Variants in PIK3C3 observed in about 807,000 individuals in gnomAD.
PIK3C3 encodes the protein PI3-kinase type 3.
PIK3C3 carries 95 observed loss-of-function variants against 126.1 expected under a neutral mutation model. The ratio of observed to expected loss-of-function variants is 0.75; its 90% CI spans 0.64 to 0.89. The LOEUF is 0.89. Ranked by LOEUF, PIK3C3 falls within the 40% of genes least tolerant of loss-of-function variation. The pLI is 0.00. For missense variants in PIK3C3, 829 were observed against 1,063.2 expected (o/e 0.78, Z 3.06); for synonymous variants, 374 against 360.0 (o/e 1.04, Z -0.44).
intron 15 of PIK3C3, among the ~76,000 whole-genome samples, chr18:42,030,007 T>C (rs890421944): frequency 5.3e-5 from 8 of 152,206 alleles, no homozygotes; most frequent in African/African-American, 1.4e-4. Flanking sequence ...GTAATTTGTT[T>C]AATGTCATAC....
At chr18:41,975,461 T>C (rs923808662) in intron 4 of PIK3C3, among the ~76,000 whole-genome samples, 2 of 152,192 alleles carry the variant, frequency 1.3e-5, no homozygotes, top group Non-Finnish European at 1.5e-5. Flanking sequence ...GTTTCTATTA[T>C]TGCCAAAAGT....
intron 13 of PIK3C3, chr18:42,025,595 A>G (rs1983529824): frequency 6.6e-6 from 1 of 152,184 alleles, no homozygotes; most frequent in Non-Finnish European, 1.5e-5. Flanking sequence ...TACCTTGGAT[A>G]TTGTTAGTAC....
chr18:42,019,567 C>T (rs564993088), intron 12 of PIK3C3, among the ~76,000 whole-genome samples: 2 of 152,182 alleles, frequency 1.3e-5, no homozygotes, highest in Middle Eastern at 3.4e-3. Context: ...CTTCATCTGT[C>T]TTGCCATTTC....
At chr18:42,070,490 T>C (rs975214537) in intron 24 of PIK3C3, 2 of 152,170 alleles carry the variant, frequency 1.3e-5, no homozygotes, top group Admixed American at 6.5e-5. Flanking sequence ...GCCATTTTTC[T>C]TAATTCTCTT....
intron 21 of PIK3C3, among the ~76,000 whole-genome samples, chr18:42,055,150 GT>G (rs1985006742): frequency 6.6e-6 from 1 of 152,072 alleles, no homozygotes; most frequent in African/African-American, 2.4e-5. Flanking sequence ...GCCTGGTACT[GT>G]GCTGGAGGTA....
intron 24 of PIK3C3, among the ~76,000 whole-genome samples, 159 bp from the exon 25 acceptor site, chr18:42,080,964 T>TA (rs1195259647): frequency 6.6e-6 from 1 of 152,204 alleles, no homozygotes; most frequent in Non-Finnish European, 1.5e-5. Context: ...AGGAATCCTA[T>TA]ACAGTATAGT....
chr18:42,041,901 G>C (rs1984339958), intron 19 of PIK3C3, among the ~76,000 whole-genome samples: 1 of 152,200 alleles, frequency 6.6e-6, no homozygotes, highest in African/African-American at 2.4e-5. Context: ...CTGTAACCTT[G>C]AGTGAACTGG....
intron 10 of PIK3C3, among the ~76,000 whole-genome samples, chr18:42,006,292 G>C (rs1395035526): frequency 2.1e-5 from 3 of 145,450 alleles, no homozygotes; most frequent in African/African-American, 7.3e-5. Context: ...GCACCCTCCT[G>C]GCATGTGGGT....
intron 21 of PIK3C3, among the ~76,000 whole-genome samples, chr18:42,054,316 G>A (rs900026530): frequency 2.7e-5 from 4 of 150,644 alleles, no homozygotes; most frequent in African/African-American, 7.3e-5. Flanking sequence ...TCGGATGTTC[G>A]AGGGTAGGAA....
At chr18:42,060,668 T>C (rs1173638817) in intron 22 of PIK3C3, among the ~76,000 whole-genome samples, 2 of 151,746 alleles carry the variant, frequency 1.3e-5, no homozygotes, top group Admixed American at 1.3e-4. Context: ...TCTCAGCTAC[T>C]AGGGAGGCTG....
chr18:42,024,444 T>G (rs1983462361), intron 13 of PIK3C3, among the ~76,000 whole-genome samples: 1 of 152,150 alleles, frequency 6.6e-6, no homozygotes, highest in African/African-American at 2.4e-5. Flanking sequence ...AATGATTTTT[T>G]TTTTTTTGGA....
At chr18:42,000,202 C>T (rs750772869) in intron 9 of PIK3C3, among the ~76,000 whole-genome samples, 1 of 152,020 alleles carries the variant, frequency 6.6e-6, no homozygotes, top group African/African-American at 2.4e-5. Flanking sequence ...TGCAGGCGTG[C>T]ACCACCACGC....
chr18:42,081,015 T>G, intron 24 of PIK3C3, 108 bp from the exon 25 acceptor site: 1 of 654,712 alleles, frequency 1.5e-6, no homozygotes, highest in Admixed American at 2.7e-5. Context: ...AACTAATTAA[T>G]GCACTTTTTA....
intron 4 of PIK3C3, among the ~76,000 whole-genome samples, chr18:41,976,592 A>C (rs1334470756): frequency 6.6e-6 from 1 of 152,240 alleles, no homozygotes; most frequent in Non-Finnish European, 1.5e-5. Flanking sequence ...CTAGCTATTT[A>C]ACCTTTACTA....
intron 3 of PIK3C3, among the ~76,000 whole-genome samples, chr18:41,962,848 G>A (rs1980166430): frequency 6.6e-6 from 1 of 152,136 alleles, no homozygotes; most frequent in African/African-American, 2.4e-5. Flanking sequence ...CTCTTCTGTT[G>A]GTGATTTAAT....
rs766834768 is a variant in PIK3C3 at position 41,957,684 on chromosome 18, T to C, written c.183T>C (p.Cys61=). 6.2e-7 allele frequency: 1 copy of C among 1,613,868 alleles called. No homozygotes were observed. The highest frequency in any genetic ancestry group is 8.5e-7 in the Non-Finnish European group (1 of 1,179,928). Residue 61 remains cysteine, a synonymous_variant, in exon 2 of 25, where the codon TGT becomes TGC. Coordinates refer to ENST00000262039, the MANE Select transcript of PIK3C3 (RefSeq NM_002647.4). ...QETCSDLYVT[C]QVFAEGKPLA... ...CATGCTCTGATCTTTATGTTACTTG[T>C]CAAGTTTTTGCAGAAGGGAAGCCTT...
intron 21 of PIK3C3, chr18:42,050,098 T>C (rs12959405): frequency 0.077 from 11,825 of 152,758 alleles, 576 homozygotes; most frequent in Non-Finnish European, 0.11. Context: ...AGAATTGCTT[T>C]AGTAGTAATC....
At chr18:42,061,930 A>C (rs777788631) in intron 22 of PIK3C3, among the ~76,000 whole-genome samples, 9 of 151,672 alleles carry the variant, frequency 5.9e-5, no homozygotes, top group Non-Finnish European at 1.0e-4. Context: ...TTTAACATTG[A>C]TCCTGGCTGC....
At chr18:42,032,478 A>G (rs1375987265) in intron 15 of PIK3C3, among the ~76,000 whole-genome samples, 1 of 152,068 alleles carries the variant, frequency 6.6e-6, no homozygotes, top group Non-Finnish European at 1.5e-5. Flanking sequence ...AGGAGGGTGA[A>G]AAGTTTGAAG....
Sources: gnomAD v4.1 joint callset for allele counts (sites outside exome capture counted in the v4.1 genomes callset) on GRCh38, gnomAD v4.1.1 for gene constraint, MANE v1.5 for transcripts, NCBI Gene and HGNC (gene_info 2026-07-23, HGNC 2026-07-21) for gene names.